OPA1: variants seen among roughly 807,000 people sequenced by gnomAD.
OPA1 encodes the protein OPA1 mitochondrial dynamin like GTPase.
In OPA1, 59 loss-of-function variants were observed where a neutral mutation model predicts 152.9. The observed-to-expected ratio is 0.39, with a 90% CI of 0.31 to 0.48. OPA1 has a LOEUF of 0.48. Ranked by LOEUF, OPA1 falls within the 20% of genes least tolerant of loss-of-function variation. The pLI, the probability that OPA1 is intolerant of heterozygous loss-of-function variation, is 0.96. For missense variants in OPA1, 1,008 were observed against 1,216.8 expected (o/e 0.83, Z 2.55); for synonymous variants, 400 against 389.9 (o/e 1.03, Z -0.31).
intron 11 of OPA1, among the ~76,000 whole-genome samples, chr3:193,639,950 T>C (rs1158752096): frequency 1.3e-5 from 2 of 152,054 alleles, no homozygotes; most frequent in Non-Finnish European, 2.9e-5. Context: ...AGAGAGAGTG[T>C]CAATCATCAA....
intron 1 of OPA1, among the ~76,000 whole-genome samples, chr3:193,599,367 C>T (rs910182996): frequency 6.6e-6 from 1 of 151,702 alleles, no homozygotes; most frequent in African/African-American, 2.4e-5. Flanking sequence ...CTTTCATTGT[C>T]TCAGCTCTGC....
chr3:193,597,982 G>T (rs2108781143), intron 1 of OPA1, among the ~76,000 whole-genome samples: 1 of 152,282 alleles, frequency 6.6e-6, no homozygotes, highest in South Asian at 2.1e-4. Context: ...ATGAAGCTGA[G>T]GCAGGAGGAT....
Position 193,622,226 on chromosome 3 carries a change from CT to C in OPA1, c.678+3311del, listed in dbSNP as rs758993120. The stretch of plus-strand genomic sequence containing the variant: ...TTTCTTGCAACATATTACTCTCATT[CT>C]TTTTTTTTTTTTTTTTTTTTGAGAC... On this transcript the variant is annotated intron_variant, in intron 6 of 30. Coordinates refer to ENST00000361510, the MANE Select transcript of OPA1 (RefSeq NM_130837.3). 6.8e-4 allele frequency among the ~76,000 whole-genome samples: 73 copies of C among 107,896 alleles called. No homozygotes were observed. The South Asian group carries it at 9.3e-3, about 14-fold the overall frequency. 70.8% of individuals were successfully genotyped at this position (107,896 alleles called of 152,430 possible).
intron 30 of OPA1, among the ~76,000 whole-genome samples, chr3:193,693,169 T>A (rs1721907046): frequency 6.6e-6 from 1 of 152,230 alleles, no homozygotes; most frequent in African/African-American, 2.4e-5. Flanking sequence ...GAAAAGGCTC[T>A]TAAACCAAAC....
At position 193,658,998 on chromosome 3, in the gene OPA1, A is replaced by T; in HGVS notation, c.2440+3A>T. On this transcript the variant is annotated splice_donor_region_variant and intron_variant, in intron 24 of 30. Transcript: ENST00000361510. ...TCTGCAGGCTCGTCTCAAGGATAGT[A>T]AGTGGAGACACGGCTTATTGAGTTC... 1.3e-6 allele frequency: 2 copies of T among 1,587,546 alleles called. No homozygotes were observed. Among genetic ancestry groups the T allele is most frequent in the Non-Finnish European group, 1.7e-6 (2 of 1,155,866 alleles).
intron 7 of OPA1, chr3:193,627,307 T>C (rs1170710009): frequency 6.6e-6 from 1 of 152,180 alleles, no homozygotes; most frequent in Non-Finnish European, 1.5e-5. Context: ...CATATGTATA[T>C]TTAGCTTCGG....
At chr3:193,658,072 C>G (rs545641834) in intron 23 of OPA1, among the ~76,000 whole-genome samples, 1 of 151,786 alleles carries the variant, frequency 6.6e-6, no homozygotes, top group African/African-American at 2.4e-5. Flanking sequence ...GTGGATAAAC[C>G]CCGTCTCTAC....
At chr3:193,674,746 C>T (rs1341809991) in intron 29 of OPA1, among the ~76,000 whole-genome samples, 3 of 152,196 alleles carry the variant, frequency 2.0e-5, no homozygotes, top group African/African-American at 7.2e-5. Context: ...ACACTTCTCC[C>T]ATACCTGCCA....
chr3:193,611,941 T>C (rs1420158058), intron 1 of OPA1, among the ~76,000 whole-genome samples: 2 of 152,354 alleles, frequency 1.3e-5, no homozygotes, highest in African/African-American at 4.8e-5. Flanking sequence ...TTTTTCTAGC[T>C]ATTTTTGGTC....
At chr3:193,608,081 A>C (rs56259375) in intron 1 of OPA1, among the ~76,000 whole-genome samples, 1 of 152,164 alleles carries the variant, frequency 6.6e-6, no homozygotes, top group East Asian at 1.9e-4. Context: ...TTGGTATATA[A>C]GAATGCTCTC....
intron 1 of OPA1, among the ~76,000 whole-genome samples, chr3:193,614,341 T>A (rs762899827): frequency 6.6e-6 from 1 of 152,252 alleles, no homozygotes; most frequent in Non-Finnish European, 1.5e-5. Context: ...TTTCTCTCTT[T>A]GGTTTCAATT....
intron 1 of OPA1, among the ~76,000 whole-genome samples, chr3:193,602,434 T>A (rs745446536): frequency 2.0e-5 from 3 of 152,212 alleles, no homozygotes; most frequent in Non-Finnish European, 4.4e-5. Flanking sequence ...AAATGCTTCC[T>A]TTACCTGGTG....
intron 29 of OPA1, chr3:193,668,441 A>C: frequency 6.4e-7 from 1 of 1,550,616 alleles, no homozygotes; most frequent in East Asian, 2.4e-5. Flanking sequence ...GCTCTTCGTC[A>C]TGGAGTCCCT....
At chr3:193,653,549 T>C (rs1047532125) in intron 21 of OPA1, among the ~76,000 whole-genome samples, 2 of 152,158 alleles carry the variant, frequency 1.3e-5, no homozygotes, top group African/African-American at 4.8e-5. Flanking sequence ...CAAATTGAAA[T>C]AGTTGTATTT....
chr3:193,599,271 T>C (rs1324752296), intron 1 of OPA1, among the ~76,000 whole-genome samples: 1 of 152,210 alleles, frequency 6.6e-6, no homozygotes, highest in Non-Finnish European at 1.5e-5. Flanking sequence ...GCCTCAGCCT[T>C]ATATTCAGTG....
chr3:193,680,758 T>C (rs1047551935), intron 29 of OPA1, among the ~76,000 whole-genome samples: 1 of 152,226 alleles, frequency 6.6e-6, no homozygotes, highest in Non-Finnish European at 1.5e-5. Flanking sequence ...ATCTTCCCAA[T>C]TAATTGCCTA....
rs370113593 is a variant in OPA1 at position 193,696,648 on chromosome 3, G to A, written c.*2048G>A. 6.6e-6 allele frequency: 1 copy of A among 152,152 alleles called. No homozygotes were observed. The allele number at this position is 152,152 out of a possible 1,614,324, so 9.4% of individuals were successfully genotyped here. A position where few individuals can be genotyped will look rare whatever the true frequency, so the allele number is the denominator to read the frequency against. Reference sequence around the variant, plus strand: ...AGAGTAAACCCTGTGTCTTGTGTCTGTAGTTCAAAAGTCAGAAATGATTCT... The same window carrying A: ...AGAGTAAACCCTGTGTCTTGTGTCTATAGTTCAAAAGTCAGAAATGATTCT... On this transcript the variant is annotated 3_prime_UTR_variant, in exon 31 of 31. Coordinates refer to ENST00000361510, the MANE Select transcript of OPA1 (RefSeq NM_130837.3).
At chr3:193,657,992 TC>T (rs1332961093) in intron 23 of OPA1, among the ~76,000 whole-genome samples, 1 of 152,162 alleles carries the variant, frequency 6.6e-6, no homozygotes, top group Non-Finnish European at 1.5e-5. Context: ...ACACCTGTAA[TC>T]CCAGCACTTT....
chr3:193,674,369 T>A (rs1016497464), intron 29 of OPA1, among the ~76,000 whole-genome samples: 2 of 152,306 alleles, frequency 1.3e-5, no homozygotes, highest in South Asian at 4.1e-4. Context: ...ATGTTTTAAA[T>A]GAAAACTTTG....
Sources: gnomAD v4.1 joint callset for allele counts (sites outside exome capture counted in the v4.1 genomes callset) on GRCh38, gnomAD v4.1.1 for gene constraint, MANE v1.5 for transcripts, NCBI Gene and HGNC (gene_info 2026-07-23, HGNC 2026-07-21) for gene names.